PHTF2: variants seen among roughly 807,000 people sequenced by gnomAD.
PHTF2 encodes protein PHTF2.
A neutral mutation model predicts 101.2 loss-of-function variants in PHTF2; 60 were observed. That is an observed-to-expected ratio of 0.59 (90% CI 0.48 to 0.73). PHTF2 has a LOEUF of 0.73. Among genes scored for constraint, PHTF2 ranks in the 30% least tolerant of loss-of-function variants. The probability of loss-of-function intolerance (pLI) is 0.00; values close to 1 mark genes in which losing one functional copy is unlikely to be tolerated. For synonymous variants in PHTF2, 311 were observed against 307.3 expected, an observed-to-expected ratio of 1.01 and a Z score of -0.13; for missense variants, 747 against 908.7, an observed-to-expected ratio of 0.82 and a Z score of 2.29.
intron 1 of PHTF2, among the ~76,000 whole-genome samples, chr7:77,837,418 TTGAG>T (rs1795556054): frequency 6.6e-6 from 1 of 152,200 alleles, no homozygotes; most frequent in African/African-American, 2.4e-5. Flanking sequence ...TTGGGTATCT[TTGAG>T]TGCTTTGTCA....
At chr7:77,837,486 AG>A (rs1224505321) in intron 1 of PHTF2, among the ~76,000 whole-genome samples, 18 of 152,236 alleles carry the variant, frequency 1.2e-4, no homozygotes, top group Admixed American at 1.2e-3. Context: ...TTTTAAAAAT[AG>A]GTATGAGCCA....
chr7:77,954,642 A>ATG (rs1806869980), intron 19 of PHTF2, among the ~76,000 whole-genome samples: 1 of 145,276 alleles, frequency 6.9e-6, no homozygotes, highest in Non-Finnish European at 1.5e-5. Flanking sequence ...ATATATATAT[A>ATG]TATAGCCACT....
chr7:77,860,155 C>G (rs1205161298), intron 3 of PHTF2, among the ~76,000 whole-genome samples: 1 of 152,060 alleles, frequency 6.6e-6, no homozygotes, highest in Non-Finnish European at 1.5e-5. Flanking sequence ...CTGATTGTCT[C>G]TATTGGGACC....
intron 7 of PHTF2, among the ~76,000 whole-genome samples, chr7:77,908,339 T>G (rs778908866): frequency 3.6e-4 from 55 of 152,234 alleles, no homozygotes; most frequent in Non-Finnish European, 7.2e-4. Flanking sequence ...CTCTGGAAAC[T>G]ATGCCTAAGT....
At chr7:77,820,086 G>T (rs554387772) in intron 1 of PHTF2, among the ~76,000 whole-genome samples, 1 of 152,064 alleles carries the variant, frequency 6.6e-6, no homozygotes, top group Non-Finnish European at 1.5e-5. Flanking sequence ...ACTGGGTTTC[G>T]CCATGTTGGT....
intron 2 of PHTF2, among the ~76,000 whole-genome samples, chr7:77,841,074 A>AATTTTTTTTTTTTTTT (rs1562863302): frequency 3.9e-5 from 2 of 51,388 alleles, no homozygotes; most frequent in African/African-American, 3.7e-4. Flanking sequence ...GAAAAAACAG[A>AATTTTTTTTTTTTTTT]CTTTTTTTTT....
At position 77,846,098 on chromosome 7, in the gene PHTF2, G is replaced by C. The variant is rs531702970; in HGVS notation, c.45+5798G>C. Among the ~76,000 whole-genome samples the C allele has an allele frequency of 3.3e-5, 5 of 152,260 alleles. No homozygotes were observed. In the East Asian group the frequency reaches 7.7e-4, roughly 24 times the overall value. On this transcript the variant is annotated intron_variant, in intron 2 of 19. Coordinates refer to ENST00000416283, the Ensembl canonical transcript of PHTF2. ...GCTCCTTGAGAAGAAAGGATGTGTG[G>C]AGGACCGCCATATGGGGGTTTCCTA... is the stretch of plus-strand genomic sequence containing the variant.
At chr7:77,809,471 C>G (rs1379863947) in intron 1 of PHTF2, among the ~76,000 whole-genome samples, 1 of 152,060 alleles carries the variant, frequency 6.6e-6, no homozygotes, top group African/African-American at 2.4e-5. Flanking sequence ...AGGTGATCCA[C>G]CCACCTCAGC....
intron 3 of PHTF2, among the ~76,000 whole-genome samples, chr7:77,869,017 A>G (rs1019466384): frequency 6.6e-6 from 1 of 152,128 alleles, no homozygotes; most frequent in African/African-American, 2.4e-5. Flanking sequence ...AGGAAAAAGC[A>G]AAAAAACAAA....
intron 5 of PHTF2, among the ~76,000 whole-genome samples, chr7:77,900,383 G>C (rs1383108614): frequency 6.6e-6 from 1 of 152,124 alleles, no homozygotes; most frequent in Non-Finnish European, 1.5e-5. Context: ...CTCTCCAAAT[G>C]CCAATATGGG....
intron 12 of PHTF2, among the ~76,000 whole-genome samples, chr7:77,932,055 G>T (rs958208203): frequency 6.6e-6 from 1 of 152,038 alleles, no homozygotes; most frequent in Non-Finnish European, 1.5e-5. Context: ...GAGCTGAGAT[G>T]GCGCTATTGC....
At chr7:77,811,979 G>A (rs557662485) in intron 1 of PHTF2, among the ~76,000 whole-genome samples, 1 of 152,260 alleles carries the variant, frequency 6.6e-6, no homozygotes, top group South Asian at 2.1e-4. Flanking sequence ...TATAGGCATA[G>A]GCTACATGAC....
chr7:77,813,432 G>A, intron 1 of PHTF2, among the ~76,000 whole-genome samples: 1 of 152,192 alleles, frequency 6.6e-6, no homozygotes, highest in East Asian at 1.9e-4. Context: ...GAAGTCACTG[G>A]TGTCCTCAAA....
intron 3 of PHTF2, among the ~76,000 whole-genome samples, chr7:77,865,664 G>A (rs1220654773): frequency 1.3e-5 from 2 of 151,858 alleles, no homozygotes; most frequent in Non-Finnish European, 2.9e-5. Flanking sequence ...TCTTTATATC[G>A]CCATTATTTC....
At chr7:77,822,089 A>G (rs1032522187) in intron 1 of PHTF2, among the ~76,000 whole-genome samples, 6 of 152,112 alleles carry the variant, frequency 3.9e-5, no homozygotes, top group African/African-American at 1.4e-4. Flanking sequence ...GCACTCTTCC[A>G]CTTGGAGGGC....
At chr7:77,875,850 C>G (rs1404060468) in intron 3 of PHTF2, among the ~76,000 whole-genome samples, 1 of 152,166 alleles carries the variant, frequency 6.6e-6, no homozygotes, top group Non-Finnish European at 1.5e-5. Flanking sequence ...AGAAACCGTG[C>G]TGGGCCAATA....
chr7:77,904,818 T>C (rs959988310), intron 7 of PHTF2, among the ~76,000 whole-genome samples: 6 of 152,216 alleles, frequency 3.9e-5, no homozygotes, highest in African/African-American at 1.4e-4. Context: ...GTGGGGAGGA[T>C]GAAAGGAGCA....
chr7:77,940,492 T>A, intron 14 of PHTF2, 36 bp from the exon 14 acceptor site: 1 of 1,538,228 alleles, frequency 6.5e-7, no homozygotes, highest in Non-Finnish European at 8.8e-7. Flanking sequence ...TGTGGTAATC[T>A]ACTTGAAAAT....
At chr7:77,848,702 T>A (rs1296567787) in intron 2 of PHTF2, among the ~76,000 whole-genome samples, 1 of 152,214 alleles carries the variant, frequency 6.6e-6, no homozygotes, top group Non-Finnish European at 1.5e-5. Context: ...AGAAGCTTTT[T>A]AACTTGGTGT....
Sources: allele counts gnomAD v4.1 joint callset (sites outside exome capture counted in the v4.1 genomes callset), GRCh38; gene constraint gnomAD v4.1.1; transcripts MANE v1.5; gene names NCBI Gene and HGNC (gene_info 2026-07-23, HGNC 2026-07-21).